Variants in ST7 observed in about 807,000 individuals in gnomAD.
ST7 encodes the protein suppression of tumorigenicity 7.
A neutral mutation model predicts 78.7 loss-of-function variants in ST7; 28 were observed. The observed-to-expected ratio is 0.36, with a 90% confidence interval of 0.26 to 0.49. The LOEUF is 0.49. ST7 is among the 20% of genes least tolerant of loss of function. The pLI, the probability that ST7 is intolerant of heterozygous loss-of-function variation, is 0.99. For missense variants in ST7, 418 were observed against 696.0 expected, an observed-to-expected ratio of 0.60 and a Z score of 4.49; for synonymous variants, 247 against 249.6, an observed-to-expected ratio of 0.99 and a Z score of 0.10.
intron 2 of ST7, among the ~76,000 whole-genome samples, chr7:117,113,823 A>G (rs1048754126): frequency 1.3e-4 from 20 of 152,050 alleles, no homozygotes; most frequent in African/African-American, 4.8e-4. Flanking sequence ...GGAGGGACCT[A>G]GAGGACAGCT....
At chr7:117,003,268 A>G (rs927400574) in intron 1 of ST7, among the ~76,000 whole-genome samples, 1 of 151,532 alleles carries the variant, frequency 6.6e-6, no homozygotes, top group Non-Finnish European at 1.5e-5. Context: ...AGTAGCTAAG[A>G]CTATAGGTGT....
At chr7:117,017,071 G>C (rs775525929) in intron 1 of ST7, among the ~76,000 whole-genome samples, 1 of 152,130 alleles carries the variant, frequency 6.6e-6, no homozygotes, top group African/African-American at 2.4e-5. Context: ...TTCCTTCCAC[G>C]TGGTTTTCAG....
intron 1 of ST7, among the ~76,000 whole-genome samples, chr7:117,018,676 G>A (rs1027072711): frequency 1.3e-5 from 2 of 152,100 alleles, no homozygotes; most frequent in African/African-American, 4.8e-5. Flanking sequence ...GTGTGACCTC[G>A]ACAAAGTATT....
Position 117,229,977 on chromosome 7 carries a change from AT to A in ST7, c.*121del. The stretch of plus-strand genomic sequence containing the variant: ...AGGGAAGCCATTCCGAGATTTTAAA[AT>A]GTTCATGGACTATTCCATATTAAAA... On this transcript the variant is annotated 3_prime_UTR_variant, in exon 16 of 16. Transcript: ENST00000323984. 1 of 904,192 alleles carries A rather than the reference AT, an allele frequency of 1.1e-6. No individual in the cohort carries two copies. The highest frequency in any genetic ancestry group is 1.3e-5 in the South Asian group (1 of 76,418). 56.0% of individuals were successfully genotyped at this position (904,192 alleles called of 1,614,324 possible). A position where few individuals can be genotyped will look rare whatever the true frequency, so the allele number is the denominator to read the frequency against.
At chr7:117,015,692 G>T (rs1795578686) in intron 1 of ST7, among the ~76,000 whole-genome samples, 1 of 152,184 alleles carries the variant, frequency 6.6e-6, no homozygotes, top group Non-Finnish European at 1.5e-5. Context: ...GTAGGGTAAA[G>T]GTGTGGGTGG....
chr7:117,223,103 C>G, intron 15 of ST7: 1 of 685,002 alleles, frequency 1.5e-6, no homozygotes, highest in South Asian at 1.7e-5. Context: ...CCCTCTCTCA[C>G]TCCCCACATC....
intron 15 of ST7, among the ~76,000 whole-genome samples, chr7:117,224,716 T>C (rs766594886): frequency 6.6e-6 from 1 of 152,084 alleles, no homozygotes; most frequent in Admixed American, 6.6e-5. Context: ...AAATCCAAAA[T>C]CTTGAGTATT....
rs566605772 is a variant in ST7, at chr7:117,100,708, C to CAATA, written c.234+864_234+865insAATA. ...GATTATCATTTGTATGGCTCTATTA[C>CAATA]CTTATCTTTGTAACAGTTGCAGGTG... On this transcript the variant is annotated intron_variant, in intron 2 of 15. Coordinates refer to ENST00000323984, the MANE Select transcript of ST7 (RefSeq NM_001369598.1). 1.6e-4 allele frequency among the ~76,000 whole-genome samples: 24 copies of CAATA among 151,982 alleles called. No homozygotes were observed. The East Asian group carries it at 4.7e-3, about 29-fold the overall frequency.
At chr7:117,046,861 A>C (rs1344334462) in intron 1 of ST7, among the ~76,000 whole-genome samples, 1 of 152,200 alleles carries the variant, frequency 6.6e-6, no homozygotes, top group African/African-American at 2.4e-5. Flanking sequence ...CATGGACTTA[A>C]TGGGTTCAAA....
At chr7:117,097,847 T>C (rs1382826860) in intron 1 of ST7, among the ~76,000 whole-genome samples, 1 of 119,868 alleles carries the variant, frequency 8.3e-6, no homozygotes, top group Non-Finnish European at 1.7e-5. Flanking sequence ...TATATATGTA[T>C]GACATATCAC....
intron 10 of ST7, chr7:117,187,839 G>A (rs1809407894): frequency 6.6e-6 from 1 of 152,146 alleles, no homozygotes; most frequent in African/African-American, 2.4e-5. Context: ...AACAATCAAT[G>A]AGTATACCCT....
chr7:117,128,850 A>G (rs1340133373), intron 3 of ST7, among the ~76,000 whole-genome samples: 1 of 151,818 alleles, frequency 6.6e-6, no homozygotes, highest in African/African-American at 2.4e-5. Flanking sequence ...ATAATTGCTC[A>G]CTTTTTTGTA....
intron 1 of ST7, among the ~76,000 whole-genome samples, chr7:116,987,264 C>A (rs1279654513): frequency 6.6e-6 from 1 of 152,136 alleles, no homozygotes; most frequent in Non-Finnish European, 1.5e-5. Flanking sequence ...GGGTATTTTT[C>A]ATCTTTAAGT....
At chr7:117,005,470 T>C (rs538184835) in intron 1 of ST7, among the ~76,000 whole-genome samples, 1 of 152,344 alleles carries the variant, frequency 6.6e-6, no homozygotes, top group Non-Finnish European at 1.5e-5. Flanking sequence ...TTCATATTGA[T>C]TATTACTAAT....
chr7:117,057,000 A>G (rs1296768501), intron 1 of ST7, among the ~76,000 whole-genome samples: 2 of 152,088 alleles, frequency 1.3e-5, no homozygotes, highest in African/African-American at 4.8e-5. Flanking sequence ...GATCCTGCCC[A>G]TTTCAATATA....
At chr7:117,047,022 A>C (rs1016417047) in intron 1 of ST7, among the ~76,000 whole-genome samples, 5 of 152,228 alleles carry the variant, frequency 3.3e-5, no homozygotes, top group African/African-American at 1.2e-4. Context: ...ATTGAACATT[A>C]AGTAAATATA....
chr7:117,052,269 A>G (rs542514952), intron 1 of ST7, among the ~76,000 whole-genome samples: 1 of 152,320 alleles, frequency 6.6e-6, no homozygotes, highest in East Asian at 1.9e-4. Context: ...TTCAACTAGA[A>G]AGATTATCTT....
Position 117,220,233 on chromosome 7 carries a change from T to C in ST7, c.1498+1057T>C, listed in dbSNP as rs973177589. Among the ~76,000 whole-genome samples the C allele has an allele frequency of 5.9e-5, 9 of 152,214 alleles. No homozygotes were observed. In the South Asian group the frequency reaches 1.5e-3, roughly 25 times the overall value. The stretch of plus-strand genomic sequence containing the variant: ...GCAGAACTCAATGGCTGTCATCAGA[T>C]TGAGGTAGCAGGAGTTGCTCACTTG... On this transcript the variant is annotated intron_variant, in intron 14 of 15. Coordinates refer to ENST00000323984, the MANE Select transcript of ST7 (RefSeq NM_001369598.1).
chr7:116,978,183 A>G (rs1793790464), intron 1 of ST7, among the ~76,000 whole-genome samples: 1 of 152,222 alleles, frequency 6.6e-6, no homozygotes, highest in Admixed American at 6.5e-5. Flanking sequence ...TTTTCAGAGA[A>G]GAACCATAGT....
Sources: allele counts gnomAD v4.1 joint callset (sites outside exome capture counted in the v4.1 genomes callset), GRCh38; gene constraint gnomAD v4.1.1; transcripts MANE v1.5; gene names NCBI Gene and HGNC (gene_info 2026-07-23, HGNC 2026-07-21).